The following SUMF1 variants were observed in gnomAD, a reference collection of about 807,000 sequenced individuals.
SUMF1 encodes the protein sulfatase modifying factor 1.
SUMF1 carries 48 observed loss-of-function variants against 47.6 expected under a neutral mutation model. The observed-to-expected ratio is 1.01, with a 90% CI of 0.80 to 1.28. The LOEUF (loss-of-function observed/expected upper bound fraction) is 1.28, where lower values mean the gene tolerates loss of function less well. Ranked by LOEUF, SUMF1 falls within the 50% of genes most tolerant of loss-of-function variation. The pLI is 0.00. For synonymous variants in SUMF1, 230 were observed against 192.1 expected (o/e 1.20, Z -1.63); for missense variants, 571 against 485.4 (o/e 1.18, Z -1.66).
At chr3:4,457,051 C>CGTGTGT (rs1441427682) in intron 1 of SUMF1, among the ~76,000 whole-genome samples, 1 of 65,366 alleles carries the variant, frequency 1.5e-5, no homozygotes, top group African/African-American at 4.8e-5. Flanking sequence ...TATATATATA[C>CGTGTGT]GTGTGTGTAT....
At chr3:4,322,449 T>G (rs548722306) in intron 8 of SUMF1, among the ~76,000 whole-genome samples, 27 of 152,170 alleles carry the variant, frequency 1.8e-4, no homozygotes, top group African/African-American at 6.5e-4. Context: ...CTTCTCAATT[T>G]TTATGAAAAT....
chr3:4,429,260 AT>A (rs1424118521), intron 3 of SUMF1, among the ~76,000 whole-genome samples: 1 of 152,260 alleles, frequency 6.6e-6, no homozygotes, highest in Non-Finnish European at 1.5e-5. Flanking sequence ...CTGGAAAGAC[AT>A]CTGCGTGTAC....
intron 8 of SUMF1, among the ~76,000 whole-genome samples, chr3:4,123,530 C>T (rs923327700): frequency 6.6e-6 from 1 of 152,170 alleles, no homozygotes; most frequent in Non-Finnish European, 1.5e-5. Context: ...AATATAACTG[C>T]TAACAAGGCT....
intron 3 of SUMF1, among the ~76,000 whole-genome samples, chr3:4,444,790 T>G (rs925391363): frequency 6.6e-6 from 1 of 152,224 alleles, no homozygotes; most frequent in Non-Finnish European, 1.5e-5. Flanking sequence ...TGCAGAGGCC[T>G]AGAAACAATG....
At chr3:4,161,668 G>T (rs1016144654) in intron 8 of SUMF1, among the ~76,000 whole-genome samples, 2 of 151,876 alleles carry the variant, frequency 1.3e-5, no homozygotes, top group South Asian at 2.1e-4. Flanking sequence ...GGTGAATGCT[G>T]CCAGGCCTGA....
At position 4,051,140 on chromosome 3, in the gene SUMF1, A is replaced by G. The variant is rs201518278; in HGVS notation, c.1191+17429T>C. 6.9e-5 allele frequency among the ~76,000 whole-genome samples: 10 copies of G among 145,096 alleles called. 1 individual carries two copies. Among genetic ancestry groups the G allele is most frequent in the East Asian group, 2.4e-4 (1 of 4,204 alleles). On this transcript the variant is annotated intron_variant and NMD_transcript_variant, in intron 9 of 12. Coordinates refer to the SUMF1 transcript ENST00000448413. ...TAAGGCAAAAAAAAGAAAAAAAAAA[A>G]GGGTGGGGAAAGGAAAGCAGTGGAA... is the stretch of plus-strand genomic sequence containing the variant.
intron 8 of SUMF1, among the ~76,000 whole-genome samples, chr3:4,314,897 C>T (rs1358971041): frequency 6.6e-6 from 1 of 152,144 alleles, no homozygotes; most frequent in Non-Finnish European, 1.5e-5. Context: ...CTAGGAGGCC[C>T]TGCACTTTCA....
chr3:4,265,694 A>C (rs180846489), intron 8 of SUMF1, among the ~76,000 whole-genome samples: 257 of 152,230 alleles, frequency 1.7e-3, no homozygotes, highest in African/African-American at 5.9e-3. Context: ...GTTCACTCTG[A>C]TGGTAGTTTC....
At chr3:4,120,208 G>A (rs1417140903) in intron 8 of SUMF1, among the ~76,000 whole-genome samples, 1 of 151,974 alleles carries the variant, frequency 6.6e-6, no homozygotes, top group Admixed American at 6.6e-5. Flanking sequence ...ACTGAACTGT[G>A]AGCTTTCTGA....
At position 4,107,651 on chromosome 3, in the gene SUMF1, T is replaced by C. The variant is rs1051936252; in HGVS notation, c.1015-38906A>G. 8.5e-5 allele frequency among the ~76,000 whole-genome samples: 13 copies of C among 152,082 alleles called. No homozygotes were observed. In the East Asian group the frequency reaches 9.6e-4, roughly 11 times the overall value. Reference sequence around the variant, plus strand: ...CCCTCTAGTGGAAGAAATTATTCCCTATTAAAGCGCAAATATCAGGGCCTA... The same window carrying C: ...CCCTCTAGTGGAAGAAATTATTCCCCATTAAAGCGCAAATATCAGGGCCTA... On this transcript the variant is annotated intron_variant and NMD_transcript_variant, in intron 8 of 12. Transcript: ENST00000448413.
chr3:4,120,006 A>T (rs1176834812), intron 8 of SUMF1, among the ~76,000 whole-genome samples: 1 of 152,106 alleles, frequency 6.6e-6, no homozygotes, highest in Non-Finnish European at 1.5e-5. Flanking sequence ...CAAACAGCAG[A>T]CCCTCCTGAT....
At chr3:4,171,438 G>T (rs762560596) in intron 8 of SUMF1, among the ~76,000 whole-genome samples, 1 of 152,056 alleles carries the variant, frequency 6.6e-6, no homozygotes, top group South Asian at 2.1e-4. Flanking sequence ...TGTTTACATG[G>T]GCCAAAGAAA....
chr3:4,097,268 G>A (rs1692926444), intron 8 of SUMF1, among the ~76,000 whole-genome samples: 1 of 152,030 alleles, frequency 6.6e-6, no homozygotes, highest in Admixed American at 6.6e-5. Flanking sequence ...ACCTCTGGTT[G>A]AGCCAGGCAC....
At chr3:4,037,356 T>C (rs890108425) in intron 9 of SUMF1, among the ~76,000 whole-genome samples, 6 of 152,286 alleles carry the variant, frequency 3.9e-5, no homozygotes, top group African/African-American at 1.4e-4. Context: ...CCACCTCCAC[T>C]TTTAACCCAT....
chr3:4,363,831 G>T (rs890560829), intron 8 of SUMF1, among the ~76,000 whole-genome samples: 1 of 134,468 alleles, frequency 7.4e-6, no homozygotes, highest in Non-Finnish European at 1.6e-5. Context: ...TCCAGTTTTT[G>T]CCCATTCAGT....
chr3:4,302,022 T>C (rs904919189), intron 8 of SUMF1, among the ~76,000 whole-genome samples: 16 of 152,092 alleles, frequency 1.1e-4, no homozygotes, highest in Admixed American at 1.3e-4. Context: ...AACAAGAGGA[T>C]ACTAACAAGG....
chr3:4,364,936 G>A (rs1318886246), intron 8 of SUMF1, among the ~76,000 whole-genome samples: 12 of 150,532 alleles, frequency 8.0e-5, no homozygotes, highest in African/African-American at 2.2e-4. Flanking sequence ...CTTTGTTCTT[G>A]TTGGTTTCAA....
At chr3:4,377,110 T>A (rs1426351220) in intron 7 of SUMF1, among the ~76,000 whole-genome samples, 1 of 152,216 alleles carries the variant, frequency 6.6e-6, no homozygotes. Context: ...CAGAATTATA[T>A]GTTTTTATAA....
At chr3:4,376,185 G>T in intron 8 of SUMF1, 145 bp downstream of exon 8, 1 of 1,001,838 alleles carries the variant, frequency 1.0e-6, no homozygotes, top group Non-Finnish European at 1.6e-6. Flanking sequence ...AATTTGAGAT[G>T]ACTGTCCTCC....
Sources: allele counts gnomAD v4.1 joint callset (sites outside exome capture counted in the v4.1 genomes callset), GRCh38; gene constraint gnomAD v4.1.1; transcripts MANE v1.5; gene names NCBI Gene and HGNC (gene_info 2026-07-23, HGNC 2026-07-21).